Variants in RHOQ observed in about 807,000 individuals in gnomAD.
RHOQ encodes the protein rho-related GTP-binding protein RhoQ.
A neutral mutation model predicts 25.8 loss-of-function variants in RHOQ; 7 were observed. That is an observed-to-expected ratio of 0.27 (90% CI 0.15 to 0.51). The LOEUF (loss-of-function observed/expected upper bound fraction) is 0.51. RHOQ is among the 20% of genes least tolerant of loss of function. The pLI is 0.97. For missense variants in RHOQ, 165 were observed against 260.6 expected, an observed-to-expected ratio of 0.63 and a Z score of 2.53; for synonymous variants, 97 against 98.6, an observed-to-expected ratio of 0.98 and a Z score of 0.10.
chr2:46,568,254 A>G (rs538169244), intron 2 of RHOQ: 5 of 152,368 alleles, frequency 3.3e-5, no homozygotes, highest in Non-Finnish European at 2.9e-5. Flanking sequence ...TGACAAATCC[A>G]GTTTCTCAGA....
At chr2:46,559,373 T>G (rs561484934) in intron 2 of RHOQ, among the ~76,000 whole-genome samples, 1 of 152,336 alleles carries the variant, frequency 6.6e-6, no homozygotes, top group Non-Finnish European at 1.5e-5. Context: ...TTTGTCTCTC[T>G]GTGTAATCTC....
At chr2:46,551,307 G>C (rs1185775238) in intron 2 of RHOQ, among the ~76,000 whole-genome samples, 1 of 152,206 alleles carries the variant, frequency 6.6e-6, no homozygotes, top group Non-Finnish European at 1.5e-5. Context: ...GCATGCAGCA[G>C]TGGCTCCTCT....
chr2:46,577,500 T>C (rs986623702), intron 4 of RHOQ, among the ~76,000 whole-genome samples: 27 of 148,044 alleles, frequency 1.8e-4, no homozygotes, highest in Non-Finnish European at 2.8e-4. Flanking sequence ...CCCGTGTTCA[T>C]GCCATTCTCC....
Position 46,581,149 on chromosome 2 carries a change from A to C in RHOQ, c.*66A>C. On this transcript the variant is annotated 3_prime_UTR_variant, in exon 5 of 5. Coordinates refer to ENST00000238738, the MANE Select transcript of RHOQ (RefSeq NM_012249.4). ...AGAAAGCAAATGAAATGCTACAGCT[A>C]TACCCAGACCTTTTATAGGTAATGA... The C allele has an allele frequency of 7.7e-7, 1 of 1,307,140 alleles. No homozygotes were observed. Among genetic ancestry groups the C allele is most frequent in the Non-Finnish European group, 1.0e-6 (1 of 955,562 alleles). 81.0% of individuals were successfully genotyped at this position (1,307,140 alleles called of 1,614,324 possible).
chr2:46,573,795 A>G (rs1669016804), intron 2 of RHOQ, among the ~76,000 whole-genome samples: 1 of 152,244 alleles, frequency 6.6e-6, no homozygotes, highest in African/African-American at 2.4e-5. Context: ...AATTTCCATT[A>G]AAATCTCTAA....
rs991986127 is a variant in RHOQ, at chr2:46,581,252, T to G, written c.*169T>G. On this transcript the variant is annotated 3_prime_UTR_variant, in exon 5 of 5. Coordinates refer to ENST00000238738, the MANE Select transcript of RHOQ (RefSeq NM_012249.4). ...TGTATTAAGAATGTTCCTTAAAGGT[T>G]TAAGAAGCAGTAAGCAGCATCTGAA... is the stretch of plus-strand genomic sequence containing the variant. 2.0e-6 allele frequency: 2 copies of G among 991,712 alleles called. No homozygotes were observed. Among genetic ancestry groups the G allele is most frequent in the Non-Finnish European group, 2.9e-6 (2 of 687,264 alleles). 61.4% of individuals were successfully genotyped at this position (991,712 alleles called of 1,614,324 possible).
intron 2 of RHOQ, among the ~76,000 whole-genome samples, chr2:46,547,120 C>G (rs965755915): frequency 9.9e-5 from 15 of 152,204 alleles, no homozygotes. Flanking sequence ...TCAGTTGGTT[C>G]TACTTTCAGA....
intron 2 of RHOQ, among the ~76,000 whole-genome samples, chr2:46,549,164 G>T (rs373315854): frequency 5.3e-5 from 8 of 152,140 alleles, no homozygotes; most frequent in African/African-American, 1.9e-4. Context: ...CGCTTTGAAC[G>T]ACAGCTTCCC....
At chr2:46,562,132 C>G (rs1214927506) in intron 2 of RHOQ, among the ~76,000 whole-genome samples, 1 of 152,130 alleles carries the variant, frequency 6.6e-6, no homozygotes, top group African/African-American at 2.4e-5. Flanking sequence ...AGAACAGGGA[C>G]CTAGCCGGTT....
chr2:46,546,503 T>TAC (rs1668068992), intron 2 of RHOQ, among the ~76,000 whole-genome samples: 1 of 20,762 alleles, frequency 4.8e-5, no homozygotes, highest in Non-Finnish European at 8.8e-5. Context: ...TATATATATA[T>TAC]ATATATATGT....
Position 46,542,884 on chromosome 2 carries a change from C to A in RHOQ, c.-163C>A. 1 of 196,760 alleles carries A rather than the reference C, an allele frequency of 5.1e-6. No homozygotes were observed. Among genetic ancestry groups the A allele is most frequent in the South Asian group, 1.6e-4 (1 of 6,374 alleles). 12.2% of individuals were successfully genotyped at this position (196,760 alleles called of 1,614,324 possible). Reference sequence around the variant, plus strand: ...GCGGCAGCGCCCCGGGCCCGCCGCCCCCTCCCCTCCTGCGAGGGGAGCCGC... The same window carrying A: ...GCGGCAGCGCCCCGGGCCCGCCGCCACCTCCCCTCCTGCGAGGGGAGCCGC... On this transcript the variant is annotated 5_prime_UTR_variant, in exon 1 of 5. Coordinates refer to ENST00000238738, the MANE Select transcript of RHOQ (RefSeq NM_012249.4).
chr2:46,565,319 T>TA (rs1245984802), intron 2 of RHOQ, among the ~76,000 whole-genome samples: 1 of 152,120 alleles, frequency 6.6e-6, no homozygotes, highest in Non-Finnish European at 1.5e-5. Flanking sequence ...GAATCAGAGT[T>TA]TTCGAAAGAA....
intron 2 of RHOQ, among the ~76,000 whole-genome samples, chr2:46,550,014 G>C (rs899508506): frequency 1.3e-5 from 2 of 152,070 alleles, no homozygotes; most frequent in Admixed American, 1.3e-4. Flanking sequence ...ATCATTTGAG[G>C]TCAGGAGTTC....
intron 2 of RHOQ, among the ~76,000 whole-genome samples, chr2:46,558,238 C>G (rs1200136212): frequency 6.6e-6 from 1 of 152,174 alleles, no homozygotes; most frequent in East Asian, 1.9e-4. Context: ...TATTAGGATT[C>G]TCTTTGCCTC....
At chr2:46,543,696 G>A in intron 1 of RHOQ, 58 bp from the exon 2 acceptor site, 1 of 1,525,904 alleles carries the variant, frequency 6.6e-7, no homozygotes, top group Non-Finnish European at 9.0e-7. Flanking sequence ...GAGCGAAATT[G>A]CCCCAGAGCC....
In RHOQ at chr2:46,563,479, G is replaced by A. The variant is rs183380068; in HGVS notation, c.202-12608G>A. 4.0e-3 allele frequency among the ~76,000 whole-genome samples: 602 copies of A among 152,330 alleles called. 6 individuals carry two copies. Among genetic ancestry groups the A allele is most frequent in the African/African-American group, 0.013 (555 of 41,566 alleles). ...GTGATAGGCCGGGAAGAGCCCCCAC[G>A]GGGAACCGTCTGTAGTATAAAAGGG... On this transcript the variant is annotated intron_variant, in intron 2 of 4. Coordinates refer to ENST00000238738, the MANE Select transcript of RHOQ (RefSeq NM_012249.4).
rs1468853990 is a variant in RHOQ, at chr2:46,548,537, G to A, written c.201+4725G>A. 6.6e-6 allele frequency among the ~76,000 whole-genome samples: 1 copy of A among 152,158 alleles called. No homozygotes were observed. The highest frequency in any genetic ancestry group is 1.5e-5 in the Non-Finnish European group (1 of 68,022). On this transcript the variant is annotated intron_variant, in intron 2 of 4. Transcript: ENST00000238738. This position sits in a 1 kb window ranked among gnomAD's most constrained non-coding sequence, Gnocchi z 5.2. ...GGGAACCAGACAGAGATGTGATTAGGAAAAAGGTTTTCTACTTTGGAGAAG... is the reference window on the plus strand; with the variant it reads ...GGGAACCAGACAGAGATGTGATTAGAAAAAAGGTTTTCTACTTTGGAGAAG...
chr2:46,547,439 CAAAG>C (rs1269326858), intron 2 of RHOQ, among the ~76,000 whole-genome samples: 2 of 152,218 alleles, frequency 1.3e-5, no homozygotes, highest in African/African-American at 2.4e-5. Context: ...TATTAGCAGA[CAAAG>C]AGAGAGAATG....
chr2:46,581,223 A>G lies in RHOQ; in HGVS notation c.*140A>G. 1 of 974,776 alleles carries G rather than the reference A, an allele frequency of 1.0e-6. No individual in the cohort carries two copies. The highest frequency in any genetic ancestry group is 1.5e-6 in the Non-Finnish European group (1 of 676,078). The allele number at this position is 974,776 out of a possible 1,614,324, so 60.4% of individuals were successfully genotyped here. On this transcript the variant is annotated 3_prime_UTR_variant, in exon 5 of 5. Coordinates refer to ENST00000238738, the MANE Select transcript of RHOQ (RefSeq NM_012249.4). ...ACAAAACCTGTCCTCAGAATTCTAT[A>G]AAGTGTATTAAGAATGTTCCTTAAA...
Sources: gnomAD v4.1 joint callset for allele counts (sites outside exome capture counted in the v4.1 genomes callset) on GRCh38, gnomAD v4.1.1 for gene constraint, Gnocchi (gnomAD v3.1) non-coding constraint, MANE v1.5 for transcripts, NCBI Gene and HGNC (gene_info 2026-07-23, HGNC 2026-07-21) for gene names.